The following RAB14 variants were observed in gnomAD, a reference collection of about 807,000 sequenced individuals.
The protein encoded by RAB14 is RAB14, member RAS oncogene family.
In RAB14, 3 loss-of-function variants were observed where a neutral mutation model predicts 31.1. That is an observed-to-expected ratio of 0.10 (90% CI 0.04 to 0.25). The LOEUF (loss-of-function observed/expected upper bound fraction) is 0.25, where lower values mean the gene tolerates loss of function less well. Ranked by LOEUF, RAB14 falls within the 10% of genes least tolerant of loss-of-function variation. The pLI is 1.00. For synonymous variants in RAB14, 85 were observed against 84.9 expected, an observed-to-expected ratio of 1.00 and a Z score of 0.00; for missense variants, 111 against 260.1, an observed-to-expected ratio of 0.43 and a Z score of 3.94.
chr9:121,188,568 T>G (rs1387262541), intron 4 of RAB14, among the ~76,000 whole-genome samples: 1 of 151,722 alleles, frequency 6.6e-6, no homozygotes, highest in Non-Finnish European at 1.5e-5. Flanking sequence ...ATACTAGATA[T>G]GTCAAAATGT....
chr9:121,183,048 C>A, intron 6 of RAB14, 88 bp from the exon 7 acceptor site: 1 of 1,265,966 alleles, frequency 7.9e-7, no homozygotes, highest in South Asian at 1.3e-5. Flanking sequence ...AGTTTCCCAT[C>A]AGTTTTTAGT....
chr9:121,188,145 A>C (rs1427759016), intron 4 of RAB14, among the ~76,000 whole-genome samples: 2 of 152,010 alleles, frequency 1.3e-5, no homozygotes, highest in African/African-American at 4.8e-5. Context: ...ATATATATCA[A>C]AATAGCCCCT....
chr9:121,188,939 T>A (rs2132024982), intron 4 of RAB14, among the ~76,000 whole-genome samples: 1 of 152,212 alleles, frequency 6.6e-6, no homozygotes, highest in East Asian at 1.9e-4. Flanking sequence ...AGAGAAACTC[T>A]GAACTCACTT....
At chr9:121,201,284 G>A (rs967301799) in intron 1 of RAB14, among the ~76,000 whole-genome samples, 7 of 152,146 alleles carry the variant, frequency 4.6e-5, no homozygotes, top group African/African-American at 1.7e-4. Context: ...GGGAACAGCG[G>A]CGAGAGGGGG....
intron 1 of RAB14, among the ~76,000 whole-genome samples, chr9:121,199,685 A>AT (rs954489854): frequency 1.3e-5 from 2 of 152,210 alleles, no homozygotes; most frequent in African/African-American, 4.8e-5. Flanking sequence ...ATTTCAAGGG[A>AT]TTTTTTAATA....
At chr9:121,199,140 G>A (rs2209077) in intron 1 of RAB14, among the ~76,000 whole-genome samples, 55,662 of 151,946 alleles carry the variant, frequency 0.37, 12,643 homozygotes, top group South Asian at 0.65. Context: ...AAAAACCCCT[G>A]CACTTACTGC....
chr9:121,197,549 G>A (rs2053724898), intron 1 of RAB14, among the ~76,000 whole-genome samples: 1 of 152,110 alleles, frequency 6.6e-6, no homozygotes, highest in East Asian at 1.9e-4. Flanking sequence ...TTATTGTTGT[G>A]ACAAAAATAG....
At chr9:121,183,441 T>A in intron 5 of RAB14, 43 bp from the exon 6 acceptor site, 1 of 1,434,560 alleles carries the variant, frequency 7.0e-7, no homozygotes, top group African/African-American at 1.4e-5. Context: ...ACAAAAGCAG[T>A]AATTTAAACC....
At chr9:121,187,599 T>C (rs1320710106) in intron 4 of RAB14, among the ~76,000 whole-genome samples, 4 of 152,018 alleles carry the variant, frequency 2.6e-5, no homozygotes, top group East Asian at 1.9e-4. Flanking sequence ...TCCCCAGATA[T>C]CAGTGAAAAA....
At position 121,179,714 on chromosome 9, in the gene RAB14, C is replaced by T. The variant is rs1007207087; in HGVS notation, c.*1682G>A. On this transcript the variant is annotated 3_prime_UTR_variant, in exon 8 of 8. Coordinates refer to ENST00000373840, the MANE Select transcript of RAB14 (RefSeq NM_016322.4). ...AATTAACCAAAGCCTACTTTCTGCA[C>T]ATTCCAGTTTTGGCTTTTATTTAAC... 3 of 152,646 alleles carry T rather than the reference C, an allele frequency of 2.0e-5. No individual in the cohort carries two copies. The highest frequency in any genetic ancestry group is 4.4e-5 in the Non-Finnish European group (3 of 68,030). The allele number at this position is 152,646 out of a possible 1,614,324, so 9.5% of individuals were successfully genotyped here. A position where few individuals can be genotyped will look rare whatever the true frequency, so the allele number is the denominator to read the frequency against.
rs1391991571 is a variant in RAB14 at position 121,190,879 on chromosome 9, A to C, written c.107-148T>G. 5 of 751,116 alleles carry C rather than the reference A, an allele frequency of 6.7e-6. 1 individual carries two copies. In the East Asian group the frequency reaches 1.1e-4, roughly 17 times the overall value. The allele number at this position is 751,116 out of a possible 1,614,324, so 46.5% of individuals were successfully genotyped here. ...AGCTACCGCTAAAAAAAAAATTAAC[A>C]AACACCCAGAAGTAAGAAGTCAGGG... On this transcript the variant is annotated intron_variant, in intron 3 of 7. Transcript: ENST00000373840.
chr9:121,182,389 A>G (rs951341590), intron 7 of RAB14, among the ~76,000 whole-genome samples: 1 of 152,230 alleles, frequency 6.6e-6, no homozygotes, highest in Non-Finnish European at 1.5e-5. Flanking sequence ...AGCTGAGACT[A>G]AACGAAAACA....
chr9:121,190,863 T>TAA, intron 3 of RAB14, 132 bp from the exon 4 acceptor site: 18 of 728,284 alleles, frequency 2.5e-5, no homozygotes, highest in Admixed American at 7.1e-5. Context: ...AAGCTACCGC[T>TAA]AAAAAAAAAA....
rs540119170 is a variant in RAB14 at position 121,189,151 on chromosome 9, A to G, written c.284+1403T>C. Among the ~76,000 whole-genome samples, 4 of 152,212 alleles carry G rather than the reference A, an allele frequency of 2.6e-5. No individual in the cohort carries two copies. The East Asian group carries it at 7.7e-4, about 29-fold the overall frequency. On this transcript the variant is annotated intron_variant, in intron 4 of 7. Transcript: ENST00000373840. Reference sequence around the variant, plus strand: ...TTTCCTTCTTCCTTATAGCTGAGTAACATTTCATTGTATGGATATATCACA... The same window carrying G: ...TTTCCTTCTTCCTTATAGCTGAGTAGCATTTCATTGTATGGATATATCACA...
intron 5 of RAB14, among the ~76,000 whole-genome samples, 183 bp from the exon 6 acceptor site, chr9:121,183,581 T>TA (rs2053644780): frequency 6.6e-6 from 1 of 152,228 alleles, no homozygotes; most frequent in Non-Finnish European, 1.5e-5. Flanking sequence ...CAAAGGACCT[T>TA]AGCAATGATC....
chr9:121,184,743 A>T (rs981553535), intron 5 of RAB14, among the ~76,000 whole-genome samples: 3 of 152,248 alleles, frequency 2.0e-5, no homozygotes, highest in African/African-American at 7.2e-5. Context: ...CAGTGTGGAC[A>T]AAGTGCCCAC....
chr9:121,190,724 A>C lies in RAB14; in HGVS notation c.114T>G (p.Ala38=). 4 of 1,613,016 alleles carry C rather than the reference A, an allele frequency of 2.5e-6. No individual in the cohort carries two copies. The Admixed American group carries it at 6.7e-5, about 27-fold the overall frequency. The change falls in exon 4 of 8, where the codon GCT becomes GCG. Residue 38 remains alanine, a synonymous_variant. Transcript: ENST00000373840. Reference sequence around the variant, plus strand: ...CAACACCAATTGTGTGAGGACAATCAGCCATAACTGTTAAGGAGGAAAAAA... The same window carrying C: ...CAACACCAATTGTGTGAGGACAATCCGCCATAACTGTTAAGGAGGAAAAAA... ...LHQFTEKKFM[A]DCPHTIGVEF...
chr9:121,200,032 G>A (rs1291213889), intron 1 of RAB14, among the ~76,000 whole-genome samples: 1 of 152,180 alleles, frequency 6.6e-6, no homozygotes, highest in Non-Finnish European at 1.5e-5. Flanking sequence ...TTTAATCCTA[G>A]CAACAACTCT....
chr9:121,190,641 T>C lies in RAB14; in HGVS notation c.197A>G (p.Asp66Gly). ...CCTAAATCGCTCCTGTCCTGCCGTA[T>C]CCCAAATCTGCAGTTTTATTTTTTG... ...SGQKIKLQIWDTAGQERFRAV... is the reference protein window; with the variant it reads ...SGQKIKLQIWGTAGQERFRAV... Residue 66 changes from aspartate (D) to glycine (G), a missense_variant, in exon 4 of 8, where the codon GAT becomes GGT. Coordinates refer to ENST00000373840, the MANE Select transcript of RAB14 (RefSeq NM_016322.4). 6.2e-7 allele frequency: 1 copy of C among 1,613,394 alleles called. No individual in the cohort carries two copies. Among genetic ancestry groups the C allele is most frequent in the Non-Finnish European group, 8.5e-7 (1 of 1,179,592 alleles).
Sources: gnomAD v4.1 joint callset for allele counts (sites outside exome capture counted in the v4.1 genomes callset) on GRCh38, gnomAD v4.1.1 for gene constraint, MANE v1.5 for transcripts, NCBI Gene and HGNC (gene_info 2026-07-23, HGNC 2026-07-21) for gene names.